The following KLC3 variants were observed in gnomAD, a reference collection of about 807,000 sequenced individuals.
KLC3 encodes the protein kinesin light chain 3.
KLC3 carries 72 observed loss-of-function variants against 62.9 expected under a neutral mutation model. That is an observed-to-expected ratio of 1.15 (90% confidence interval 0.95 to 1.39). The LOEUF is 1.39. Ranked by LOEUF, KLC3 falls within the 40% of genes most tolerant of loss-of-function variation. The pLI, the probability that KLC3 is intolerant of heterozygous loss-of-function variation, is 0.00. For missense variants in KLC3, 848 were observed against 691.6 expected, an observed-to-expected ratio of 1.23 and a Z score of -2.54; for synonymous variants, 377 against 300.5, an observed-to-expected ratio of 1.25 and a Z score of -2.63.
chr19:45,347,109 G>A lies in KLC3; in HGVS notation c.489+335G>A, dbSNP rs1472091533. The A allele has an allele frequency of 2.7e-5, 11 of 408,184 alleles. No homozygotes were observed. In the South Asian group the frequency reaches 3.4e-4, roughly 13 times the overall value. 25.3% of individuals were successfully genotyped at this position (408,184 alleles called of 1,614,324 possible). ...TGTAATCCCAACACTTTGGGAGGCC[G>A]AGGCGAGCAGATCACCTGAGGTCCG... On this transcript the variant is annotated intron_variant, in intron 3 of 12. Transcript: ENST00000391946.
intron 12 of KLC3, 25 bp downstream of exon 12, chr19:45,351,042 A>G (rs766842205): frequency 3.1e-6 from 5 of 1,614,006 alleles, no homozygotes; most frequent in East Asian, 4.5e-5. Context: ...TGGGTCAAAA[A>G]TAGAGGAGGC....
chr19:45,348,003 C>T lies in KLC3; in HGVS notation c.622C>T (p.Arg208Trp), dbSNP rs367618092. 49 of 1,608,860 alleles carry T rather than the reference C, an allele frequency of 3.0e-5. No homozygotes were observed. The highest frequency in any genetic ancestry group is 2.0e-4 in the African/African-American group (15 of 74,838). ...QGGYEIPARL[R>W]TLHNLVIQYA... is the part of the protein sequence containing the mutation. ...TGGCTATGAGATCCCTGCCCGCCTT[C>T]GGACCCTGCATAACCTCGTGATCCA... The change falls in exon 5 of 13, where the codon CGG (arginine) becomes TGG (tryptophan). Residue 208 changes from arginine (R) to tryptophan (W), a missense_variant. Transcript: ENST00000391946.
chr19:45,349,459 A>C lies in KLC3; in HGVS notation c.1000A>C (p.Lys334Gln). The change falls in exon 8 of 13, where the codon AAG becomes CAG. Residue 334 changes from lysine (K) to glutamine (Q), a missense_variant. Lys to Gln is a moderately conservative substitution (Grantham distance 53). Coordinates refer to ENST00000391946, the MANE Select transcript of KLC3 (RefSeq NM_177417.3). ...GGGTGCTGACCACCCAGATGTGGCCAAGCAGCTCAACAACCTGGCCCTGCT... is the reference window on the plus strand; with the variant it reads ...GGGTGCTGACCACCCAGATGTGGCCCAGCAGCTCAACAACCTGGCCCTGCT... The part of the protein sequence containing the change: ...VLGADHPDVA[K>Q]QLNNLALLCQ... The C allele has an allele frequency of 6.2e-7, 1 of 1,612,800 alleles. No individual in the cohort carries two copies. Among genetic ancestry groups the C allele is most frequent in the Non-Finnish European group, 8.5e-7 (1 of 1,179,176 alleles).
At chr19:45,345,386 G>A in intron 1 of KLC3, 148 bp from the exon 2 acceptor site, 1 of 986,494 alleles carries the variant, frequency 1.0e-6, no homozygotes, top group Non-Finnish European at 1.5e-6. Flanking sequence ...GGGTGTGGAG[G>A]CAGAGGGCTG....
At position 45,350,767 on chromosome 19, in the gene KLC3, G is replaced by GCAAAGAGCCCTGACATC; in HGVS notation, c.1379+21_1379+37dup. The GCAAAGAGCCCTGACATC allele has an allele frequency of 6.3e-7, 1 of 1,594,984 alleles. No homozygotes were observed. Among genetic ancestry groups the GCAAAGAGCCCTGACATC allele is most frequent in the Non-Finnish European group, 8.5e-7 (1 of 1,169,996 alleles). On this transcript the variant is annotated intron_variant, in intron 11 of 12. Transcript: ENST00000391946. ...AGCCGGGTGAGTGTTGATCAGGTCG[G>GCAAAGAGCCCTGACATC]CAAAGAGCCCTGACATCAGCAGAAT...
chr19:45,346,871 C>A, intron 3 of KLC3, 97 bp downstream of exon 3: 1 of 1,163,948 alleles, frequency 8.6e-7, no homozygotes, highest in Non-Finnish European at 1.2e-6. Context: ...CCAAGATCCT[C>A]CTTAGAATCC....
At chr19:45,343,731 T>C (rs1971434459) in intron 1 of KLC3, among the ~76,000 whole-genome samples, 1 of 152,210 alleles carries the variant, frequency 6.6e-6, no homozygotes, top group Non-Finnish European at 1.5e-5. Flanking sequence ...GTCAGTGTGT[T>C]GTCTTAGGTT....
At chr19:45,343,740 T>C (rs1424086445) in intron 1 of KLC3, among the ~76,000 whole-genome samples, 2 of 152,232 alleles carry the variant, frequency 1.3e-5, no homozygotes, top group Admixed American at 6.5e-5. Context: ...TTGTCTTAGG[T>C]TGTATTTCTA....
intron 3 of KLC3, 48 bp downstream of exon 3, chr19:45,346,822 C>A: frequency 6.8e-7 from 1 of 1,480,534 alleles, no homozygotes; most frequent in Non-Finnish European, 9.2e-7. Context: ...TTCATAGAGC[C>A]CCACAGTCCC....
chr19:45,347,508 A>AG lies in KLC3; in HGVS notation c.552dup (p.Arg185GlufsTer5), dbSNP rs1971532313. The stretch of plus-strand genomic sequence containing the variant: ...TCCCTGTTCCCCAGCGAGGAGGAGG[A>AG]GAGGAAAGGTGGGTGTTGGGAGTAC... On this transcript the variant is annotated frameshift_variant, in exon 4 of 13. Transcript: ENST00000391946. LOFTEE classifies it high-confidence loss of function. 1 of 1,611,118 alleles carries AG rather than the reference A, an allele frequency of 6.2e-7. No homozygotes were observed. Among genetic ancestry groups the AG allele is most frequent in the Non-Finnish European group, 8.5e-7 (1 of 1,178,798 alleles).
chr19:45,347,891 G>T lies in KLC3; in HGVS notation c.560-50G>T, dbSNP rs556126255. On this transcript the variant is annotated intron_variant, in intron 4 of 12. Coordinates refer to ENST00000391946, the MANE Select transcript of KLC3 (RefSeq NM_177417.3). ...GGCACGTGTCCCCTCATGCGAGGCTGGAGGGGCAGGAGGCTTGCAGTGACC... is the reference window on the plus strand; with the variant it reads ...GGCACGTGTCCCCTCATGCGAGGCTTGAGGGGCAGGAGGCTTGCAGTGACC... 63 of 1,442,978 alleles carry T rather than the reference G, an allele frequency of 4.4e-5. 1 individual carries two copies. In the Admixed American group the frequency reaches 1.2e-3, roughly 27 times the overall value. The allele number at this position is 1,442,978 out of a possible 1,614,324, so 89.4% of individuals were successfully genotyped here.
rs779536241 is a variant in KLC3 at position 45,349,555 on chromosome 19, C to T, written c.1096C>T (p.Leu366=). ...CCGGGCCCTGAGCATCTATGAGGCACTGGGCGGGCCCCATGACCCCAACGT... is the reference window on the plus strand; with the variant it reads ...CCGGGCCCTGAGCATCTATGAGGCATTGGGCGGGCCCCATGACCCCAACGT... The part of the protein sequence containing the change: ...YARALSIYEA[L]GGPHDPNVAK... Residue 366 remains leucine, a synonymous_variant, in exon 8 of 13, where the codon CTG becomes TTG. Coordinates refer to ENST00000391946, the MANE Select transcript of KLC3 (RefSeq NM_177417.3). 1.1e-5 allele frequency: 17 copies of T among 1,613,922 alleles called. No individual in the cohort carries two copies. Among genetic ancestry groups the T allele is most frequent in the Non-Finnish European group, 1.4e-5 (17 of 1,179,898 alleles).
chr19:45,347,996 C>T lies in KLC3; in HGVS notation c.615C>T (p.Ala205=). The T allele has an allele frequency of 6.2e-7, 1 of 1,609,008 alleles. No individual in the cohort carries two copies. Among genetic ancestry groups the T allele is most frequent in the Admixed American group, 1.7e-5 (1 of 59,384 alleles). Residue 205 remains alanine (A), a synonymous_variant, in exon 5 of 13, where the codon GCC becomes GCT. Coordinates refer to ENST00000391946, the MANE Select transcript of KLC3 (RefSeq NM_177417.3). ...AGCAGGGTGGCTATGAGATCCCTGC[C>T]CGCCTTCGGACCCTGCATAACCTCG... The part of the protein sequence containing the change: ...AAQQGGYEIP[A]RLRTLHNLVI...
At chr19:45,343,704 T>A (rs976970785) in intron 1 of KLC3, among the ~76,000 whole-genome samples, 1 of 152,186 alleles carries the variant, frequency 6.6e-6, no homozygotes, top group African/African-American at 2.4e-5. Flanking sequence ...GAAAGAATAG[T>A]ATATGTGTGT....
chr19:45,341,802 T>G (rs202167427), intron 1 of KLC3, among the ~76,000 whole-genome samples: 2,590 of 137,186 alleles, frequency 0.019, 69 homozygotes, highest in African/African-American at 0.063. Flanking sequence ...TGTGTGTGTG[T>G]AGAGAGGAAC....
chr19:45,349,067 C>T, intron 7 of KLC3, 146 bp downstream of exon 7: 1 of 722,218 alleles, frequency 1.4e-6, no homozygotes, highest in Middle Eastern at 2.7e-4. Context: ...GATCACCCAA[C>T]CCATCACCCT....
At chr19:45,349,093 CCA>C (rs1971590226) in intron 7 of KLC3, among the ~76,000 whole-genome samples, 172 bp downstream of exon 7, 1 of 152,072 alleles carries the variant, frequency 6.6e-6, no homozygotes, top group Non-Finnish European at 1.5e-5. Context: ...TTCTGAGATC[CCA>C]GTTTGGTCTT....
intron 1 of KLC3, among the ~76,000 whole-genome samples, chr19:45,344,512 C>T (rs1018267577): frequency 5.3e-5 from 8 of 152,008 alleles, no homozygotes; most frequent in South Asian, 2.1e-4. Context: ...AGCCACTACA[C>T]CTGGCCCCAT....
chr19:45,347,952 G>C lies in KLC3; in HGVS notation c.571G>C (p.Ala191Pro). 1 of 1,603,144 alleles carries C rather than the reference G, an allele frequency of 6.2e-7. No individual in the cohort carries two copies. The highest frequency in any genetic ancestry group is 8.5e-7 in the Non-Finnish European group (1 of 1,174,964). Reference sequence around the variant, plus strand: ...CCCACCCCACCTAGGTCCTGAGGCCGCAGGAGCAGCAGCTGCTCAGCAGGG... The same window carrying C: ...CCCACCCCACCTAGGTCCTGAGGCCCCAGGAGCAGCAGCTGCTCAGCAGGG... ...EEEERKGPEAAGAAAAQQGGY... is the reference protein window; with the variant it reads ...EEEERKGPEAPGAAAAQQGGY... The change falls in exon 5 of 13, where the codon GCA (alanine) becomes CCA (proline). Residue 191 changes from alanine (A) to proline (P), a missense_variant. Transcript: ENST00000391946.
Sources: allele counts gnomAD v4.1 joint callset (sites outside exome capture counted in the v4.1 genomes callset), GRCh38; gene constraint gnomAD v4.1.1; transcripts MANE v1.5; gene names NCBI Gene and HGNC (gene_info 2026-07-23, HGNC 2026-07-21).